FRS2: variants seen among roughly 807,000 people sequenced by gnomAD.
FRS2 encodes the protein FGFR signalling adaptor.
A neutral mutation model predicts 43.9 loss-of-function variants in FRS2; 8 were observed. The ratio of observed to expected loss-of-function variants is 0.18; its 90% CI spans 0.11 to 0.33. The LOEUF (loss-of-function observed/expected upper bound fraction) is 0.33. Among genes scored for constraint, FRS2 ranks in the 10% least tolerant of loss-of-function variants. FRS2 has a pLI of 1.00. For missense variants in FRS2, 534 were observed against 627.6 expected, an observed-to-expected ratio of 0.85 and a Z score of 1.59; for synonymous variants, 219 against 220.3, an observed-to-expected ratio of 0.99 and a Z score of 0.05.
intron 1 of FRS2, among the ~76,000 whole-genome samples, chr12:69,485,111 A>ACGTG (rs973178570): frequency 1.6e-4 from 23 of 147,098 alleles, no homozygotes; most frequent in African/African-American, 5.9e-4. Context: ...ACACACACAC[A>ACGTG]CACACACACA....
chr12:69,574,421 A>C lies in FRS2; in HGVS notation c.993A>C (p.Ser331=). ...GTCGTCTGACATCCACCAGTACCTC[A>C]GATACCCAGAATATCAACAACTCAG... The part of the protein sequence containing the change: ...RRGRLTSTST[S]DTQNINNSAQ... Residue 331 remains serine, a synonymous_variant, in exon 9 of 9, where the codon TCA becomes TCC. Transcript: ENST00000549921. 1 of 1,614,068 alleles carries C rather than the reference A, an allele frequency of 6.2e-7. No homozygotes were observed. The highest frequency in any genetic ancestry group is 1.1e-5 in the South Asian group (1 of 91,076).
chr12:69,554,677 T>C (rs1879187556), intron 3 of FRS2, among the ~76,000 whole-genome samples: 1 of 152,166 alleles, frequency 6.6e-6, no homozygotes, highest in African/African-American at 2.4e-5. Context: ...TGTTCCAGGA[T>C]CCAACCTAGG....
intron 1 of FRS2, among the ~76,000 whole-genome samples, chr12:69,484,872 C>T (rs1871689335): frequency 6.6e-6 from 1 of 152,012 alleles, no homozygotes; most frequent in Non-Finnish European, 1.5e-5. Flanking sequence ...GAAAATTGTG[C>T]ATCTTTTACT....
intron 3 of FRS2, among the ~76,000 whole-genome samples, chr12:69,545,778 AC>A (rs374574805): frequency 0.049 from 6,364 of 129,160 alleles, 277 homozygotes; most frequent in Non-Finnish European, 0.073. Flanking sequence ...AAAAAAAAAA[AC>A]AAAAACAAAA....
chr12:69,541,322 T>G (rs1307364643), intron 3 of FRS2, among the ~76,000 whole-genome samples: 3 of 152,156 alleles, frequency 2.0e-5, no homozygotes, highest in Non-Finnish European at 4.4e-5. Flanking sequence ...AAAGTTGTGT[T>G]TATTAAAATC....
At chr12:69,505,835 A>G (rs1385614881) in intron 1 of FRS2, among the ~76,000 whole-genome samples, 1 of 152,168 alleles carries the variant, frequency 6.6e-6, no homozygotes, top group Non-Finnish European at 1.5e-5. Flanking sequence ...TGTGATGATT[A>G]CTTTGTATGA....
chr12:69,470,594 C>T lies in FRS2; in HGVS notation c.-261+64C>T, dbSNP rs61759360. The T allele has an allele frequency of 4.4e-3, 1,732 of 397,706 alleles. 34 individuals carry two copies. Among genetic ancestry groups the T allele is most frequent in the African/African-American group, 0.031 (1,512 of 48,692 alleles). The allele number at this position is 397,706 out of a possible 1,614,324, so 24.6% of individuals were successfully genotyped here. ...CCGCGTCGGAGCTGGCGTTCTCGTG[C>T]CCCCGCTGCCCGCTTCGGGATCCGG... is the stretch of plus-strand genomic sequence containing the variant. On this transcript the variant is annotated intron_variant, in intron 1 of 8. Transcript: ENST00000549921.
intron 3 of FRS2, among the ~76,000 whole-genome samples, chr12:69,540,357 G>A (rs1480051739): frequency 6.6e-6 from 1 of 151,570 alleles, no homozygotes; most frequent in East Asian, 1.9e-4. Flanking sequence ...GTAAAGAAGG[G>A]CTTTAACAAA....
intron 1 of FRS2, among the ~76,000 whole-genome samples, chr12:69,507,113 A>G (rs1874010798): frequency 6.6e-6 from 1 of 152,226 alleles, no homozygotes; most frequent in African/African-American, 2.4e-5. Flanking sequence ...AATAAATTTC[A>G]TATCTTATAA....
intron 4 of FRS2, among the ~76,000 whole-genome samples, chr12:69,566,766 T>C (rs191601472): frequency 7.6e-4 from 116 of 152,232 alleles, no homozygotes; most frequent in Admixed American, 5.9e-3. Context: ...AAGGCCACAA[T>C]AGAGTTATGC....
intron 3 of FRS2, among the ~76,000 whole-genome samples, chr12:69,557,379 C>T (rs983874996): frequency 6.6e-6 from 1 of 152,130 alleles, no homozygotes; most frequent in East Asian, 1.9e-4. Context: ...TAATGATAAT[C>T]GTTTTCTAGA....
At chr12:69,505,739 A>G (rs1873869911) in intron 1 of FRS2, among the ~76,000 whole-genome samples, 1 of 152,210 alleles carries the variant, frequency 6.6e-6, no homozygotes, top group African/African-American at 2.4e-5. Flanking sequence ...GTGTATTTGT[A>G]GTGGAGGAAA....
chr12:69,575,151 T>G lies in FRS2; in HGVS notation c.*196T>G. The G allele has an allele frequency of 1.9e-6, 1 of 537,790 alleles. No homozygotes were observed. The highest frequency in any genetic ancestry group is 3.3e-6 in the Non-Finnish European group (1 of 305,582). The allele number at this position is 537,790 out of a possible 1,614,324, so 33.3% of individuals were successfully genotyped here. On this transcript the variant is annotated 3_prime_UTR_variant, in exon 9 of 9. Coordinates refer to ENST00000549921, the MANE Select transcript of FRS2 (RefSeq NM_001278356.2). ...CTTAAAGAACACTAATTTCATTATATACTACTCGTTGTACAGCAGCATTCC... is the reference window on the plus strand; with the variant it reads ...CTTAAAGAACACTAATTTCATTATAGACTACTCGTTGTACAGCAGCATTCC...
chr12:69,548,691 AT>A (rs911613177), intron 3 of FRS2, among the ~76,000 whole-genome samples: 3 of 152,222 alleles, frequency 2.0e-5, no homozygotes, highest in African/African-American at 7.2e-5. Flanking sequence ...GTTACACATT[AT>A]GGGCAGGTTA....
Position 69,520,068 on chromosome 12 carries a change from C to T in FRS2, c.-260-10797C>T, listed in dbSNP as rs546353046. ...CCTTTTCTCTGTAACCTTGCCAACA[C>T]GTTATTTCTTGACTTCTTAATAATA... On this transcript the variant is annotated intron_variant, in intron 1 of 8. Transcript: ENST00000549921. Among the ~76,000 whole-genome samples, 17 of 152,158 alleles carry T rather than the reference C, an allele frequency of 1.1e-4. 1 individual carries two copies. Among genetic ancestry groups the T allele is most frequent in the South Asian group, 1.0e-3 (5 of 4,810 alleles).
intron 4 of FRS2, among the ~76,000 whole-genome samples, chr12:69,565,698 C>T (rs1330303882): frequency 6.6e-6 from 1 of 152,124 alleles, no homozygotes; most frequent in Non-Finnish European, 1.5e-5. Context: ...ACGGTCTTCT[C>T]CTCCTACATG....
chr12:69,517,763 A>G (rs1251016026), intron 1 of FRS2, among the ~76,000 whole-genome samples: 6 of 152,190 alleles, frequency 3.9e-5, no homozygotes, highest in African/African-American at 1.2e-4. Flanking sequence ...AAAATGTCCT[A>G]TAAATTTGTT....
chr12:69,536,169 G>GGCTGGAGT, intron 3 of FRS2, among the ~76,000 whole-genome samples: 1 of 113,702 alleles, frequency 8.8e-6, no homozygotes, highest in Admixed American at 1.2e-4. Flanking sequence ...CTGTTACCCA[G>GGCTGGAGT]GCTGGAGTGT....
At chr12:69,497,064 T>C (rs1872964366) in intron 1 of FRS2, among the ~76,000 whole-genome samples, 1 of 152,228 alleles carries the variant, frequency 6.6e-6, no homozygotes, top group African/African-American at 2.4e-5. Context: ...ATTCATTTCT[T>C]CATACAACAA....
Sources: gnomAD v4.1 joint callset for allele counts (sites outside exome capture counted in the v4.1 genomes callset) on GRCh38, gnomAD v4.1.1 for gene constraint, MANE v1.5 for transcripts, NCBI Gene and HGNC (gene_info 2026-07-23, HGNC 2026-07-21) for gene names.